The following RHBDD1 variants were observed in gnomAD, a reference collection of about 807,000 sequenced individuals.
RHBDD1 encodes the protein rhomboid domain containing 1.
Under a neutral mutation model 36.3 loss-of-function variants are expected in RHBDD1, and 38 were observed. The ratio of observed to expected loss-of-function variants is 1.05; its 90% CI spans 0.81 to 1.37. The LOEUF is 1.37. Among genes scored for constraint, RHBDD1 ranks in the 40% most tolerant of loss-of-function variants. The pLI, the probability that RHBDD1 is intolerant of heterozygous loss-of-function variation, is 0.00. For missense variants in RHBDD1, 393 were observed against 377.6 expected, an observed-to-expected ratio of 1.04 and a Z score of -0.34; for synonymous variants, 151 against 136.5, an observed-to-expected ratio of 1.11 and a Z score of -0.74.
At chr2:226,868,060 A>G (rs963212396) in intron 5 of RHBDD1, among the ~76,000 whole-genome samples, 4 of 152,172 alleles carry the variant, frequency 2.6e-5, no homozygotes, top group Non-Finnish European at 5.9e-5. Flanking sequence ...TTGTCTTGGT[A>G]GTAGAACTTT....
intron 8 of RHBDD1, among the ~76,000 whole-genome samples, chr2:226,941,125 G>GTTGT (rs749216413): frequency 7.2e-5 from 11 of 151,946 alleles, no homozygotes; most frequent in East Asian, 1.9e-4. Context: ...CTTTTTTGTT[G>GTTGT]TTGTTTGTTT....
At chr2:226,896,949 C>T (rs113248571) in intron 5 of RHBDD1, among the ~76,000 whole-genome samples, 3,315 of 152,132 alleles carry the variant, frequency 0.022, 120 homozygotes, top group African/African-American at 0.076. Flanking sequence ...ACAACAGGCA[C>T]GTGCCACCAT....
At chr2:226,885,242 T>G (rs1288763693) in intron 5 of RHBDD1, among the ~76,000 whole-genome samples, 5 of 152,198 alleles carry the variant, frequency 3.3e-5, no homozygotes, top group Non-Finnish European at 5.9e-5. Context: ...TGTACATTGG[T>G]ATAAACATTC....
At chr2:226,984,820 C>G (rs1956566029) in intron 8 of RHBDD1, among the ~76,000 whole-genome samples, 1 of 151,096 alleles carries the variant, frequency 6.6e-6, no homozygotes, top group African/African-American at 2.4e-5. Flanking sequence ...TCTGAGTGTC[C>G]TTAGACAGCA....
intron 8 of RHBDD1, among the ~76,000 whole-genome samples, chr2:226,951,601 A>G (rs1467024911): frequency 6.6e-6 from 1 of 152,218 alleles, no homozygotes; most frequent in Non-Finnish European, 1.5e-5. Context: ...TCTTCAGTAG[A>G]TATCGGGGAA....
At chr2:226,820,358 A>G in the RHBDD1 span, among the ~76,000 whole-genome samples, 1 of 152,114 alleles carries the variant, frequency 6.6e-6, no homozygotes, top group African/African-American at 2.4e-5. Flanking sequence ...AGCTTTATTC[A>G]CCCAACAAAA....
rs138593136 is a variant in RHBDD1 at position 226,867,300 on chromosome 2, T to C, written c.548T>C (p.Ile183Thr). ...GCTTGTTGGGTCGAACTTGTGGCTA[T>C]TCATTTATTCTCACCAGGGTAAGTG... ...RFACWVELVAIHLFSPGTSFA... is the reference protein window; with the variant it reads ...RFACWVELVATHLFSPGTSFA... Residue 183 changes from isoleucine (I) to threonine (T), a missense_variant, in exon 5 of 9, where the codon ATT (isoleucine) becomes ACT (threonine). Physicochemically the swap from Ile to Thr is moderately conservative, Grantham distance 89. Coordinates refer to ENST00000392062, the MANE Select transcript of RHBDD1 (RefSeq NM_001167608.3). 1.4e-4 allele frequency: 229 copies of C among 1,613,574 alleles called. 1 individual carries two copies. The African/African-American group carries it at 2.9e-3, about 21-fold the overall frequency.
upstream of RHBDD1, among the ~76,000 whole-genome samples, chr2:226,832,119 CTT>C (rs1435505901): frequency 1.3e-5 from 2 of 151,722 alleles, no homozygotes; most frequent in Non-Finnish European, 2.9e-5. Context: ...ATTTGAGACT[CTT>C]TTTCTTGGTG....
chr2:226,894,874 C>T (rs987073845), intron 5 of RHBDD1, among the ~76,000 whole-genome samples: 4 of 152,164 alleles, frequency 2.6e-5, no homozygotes, highest in Non-Finnish European at 5.9e-5. Context: ...AGAGGAGCAG[C>T]CTCTGCCAAG....
At chr2:226,833,873 T>C (rs1166879410), upstream of RHBDD1, among the ~76,000 whole-genome samples, 1 of 152,206 alleles carries the variant, frequency 6.6e-6, no homozygotes, top group South Asian at 2.1e-4. Flanking sequence ...ATGAGCATGT[T>C]ACAACATGCT....
intron 8 of RHBDD1, among the ~76,000 whole-genome samples, chr2:226,941,321 C>T (rs1559295387): frequency 6.6e-6 from 1 of 152,202 alleles, no homozygotes; most frequent in Non-Finnish European, 1.5e-5. Context: ...ACCTCAAGTG[C>T]ACTTCTCCAT....
chr2:226,933,418 G>A (rs1324263327), intron 8 of RHBDD1, among the ~76,000 whole-genome samples: 2 of 152,080 alleles, frequency 1.3e-5, no homozygotes, highest in African/African-American at 4.8e-5. Context: ...ACCAGATGAG[G>A]TTCTGAGAAA....
chr2:226,902,764 G>T (rs1947701286), intron 5 of RHBDD1, among the ~76,000 whole-genome samples: 1 of 152,136 alleles, frequency 6.6e-6, no homozygotes, highest in Non-Finnish European at 1.5e-5. Context: ...AATGTTGGAG[G>T]ATGACGCAAT....
chr2:226,839,979 A>C (rs892946371), intron 3 of RHBDD1, among the ~76,000 whole-genome samples: 3 of 152,152 alleles, frequency 2.0e-5, no homozygotes, highest in Non-Finnish European at 4.4e-5. Context: ...CAACTACTCT[A>C]TATTTATATA....
chr2:226,819,983 T>G, the RHBDD1 span, among the ~76,000 whole-genome samples: 840 of 145,932 alleles, frequency 5.8e-3, 9 homozygotes, highest in African/African-American at 0.021. Context: ...GTGTGTTTTT[T>G]TTTTTTTTTT....
chr2:226,862,032 A>G lies in RHBDD1; in HGVS notation c.-90-2572A>G, dbSNP rs184407886. On this transcript the variant is annotated intron_variant, in intron 3 of 8. Coordinates refer to ENST00000392062, the MANE Select transcript of RHBDD1 (RefSeq NM_001167608.3). ...ATTTTGTGTGTGTATGCATACACAT[A>G]TATATATACACATGCATAATTTTTT... 7.2e-5 allele frequency among the ~76,000 whole-genome samples: 11 copies of G among 152,262 alleles called. No homozygotes were observed. The East Asian group carries it at 2.1e-3, about 29-fold the overall frequency.
At chr2:226,820,157 T>C in the RHBDD1 span, among the ~76,000 whole-genome samples, 2 of 152,294 alleles carry the variant, frequency 1.3e-5, no homozygotes, top group Middle Eastern at 3.4e-3. Context: ...TCCGACCTCA[T>C]AGACTCATTA....
Position 226,864,736 on chromosome 2 carries a change from C to T in RHBDD1, c.43C>T (p.Leu15Phe). 1 of 1,614,132 alleles carries T rather than the reference C, an allele frequency of 6.2e-7. No individual in the cohort carries two copies. Among genetic ancestry groups the T allele is most frequent in the Non-Finnish European group, 8.5e-7 (1 of 1,179,990 alleles). Residue 15 changes from leucine (L) to phenylalanine (F), a missense_variant, in exon 4 of 9, where the codon CTC becomes TTC. Physicochemically the swap from Leu to Phe is conservative, Grantham distance 22 (BLOSUM62 0). Coordinates refer to ENST00000392062, the MANE Select transcript of RHBDD1 (RefSeq NM_001167608.3). ...AGGGATAAATACTGGACTTATTCTACTCCTTTCTCAAATCTTCCATGTTGG... is the reference window on the plus strand; with the variant it reads ...AGGGATAAATACTGGACTTATTCTATTCCTTTCTCAAATCTTCCATGTTGG... ...SRGINTGLIL[L>F]LSQIFHVGIN...
At position 226,869,202 on chromosome 2, in the gene RHBDD1, T is replaced by G. The variant is rs531847744; in HGVS notation, c.566+1884T>G. On this transcript the variant is annotated intron_variant, in intron 5 of 8. Coordinates refer to ENST00000392062, the MANE Select transcript of RHBDD1 (RefSeq NM_001167608.3). ...CATTTCTGTGTCATATGCATATTCT[T>G]TGTGGAGGCACCGGTAATTCTGAGC... The G allele has an allele frequency of 1.7e-5, 17 of 984,562 alleles. No homozygotes were observed. The African/African-American group carries it at 2.8e-4, about 16-fold the overall frequency. The allele number at this position is 984,562 out of a possible 1,614,324, so 61.0% of individuals were successfully genotyped here.
Sources: allele counts gnomAD v4.1 joint callset (sites outside exome capture counted in the v4.1 genomes callset), GRCh38; gene constraint gnomAD v4.1.1; transcripts MANE v1.5; gene names NCBI Gene and HGNC (gene_info 2026-07-23, HGNC 2026-07-21).